CRIM1: variants seen among roughly 807,000 people sequenced by gnomAD.
CRIM1 encodes cysteine-rich motor neuron 1 protein.
In CRIM1, 32 loss-of-function variants were observed where a neutral mutation model predicts 116.4. That is an observed-to-expected ratio of 0.27 (90% CI 0.21 to 0.37). The LOEUF is 0.37. Among genes scored for constraint, CRIM1 ranks in the 10% least tolerant of loss-of-function variants. The pLI, the probability that CRIM1 is intolerant of heterozygous loss-of-function variation, is 1.00. For missense variants in CRIM1, 1,331 were observed against 1,354.8 expected, an observed-to-expected ratio of 0.98 and a Z score of 0.28; for synonymous variants, 590 against 509.2, an observed-to-expected ratio of 1.16 and a Z score of -2.13.
At chr2:36,544,791 C>G (rs569732012) in intron 15 of CRIM1, among the ~76,000 whole-genome samples, 71 of 152,286 alleles carry the variant, frequency 4.7e-4, no homozygotes, top group African/African-American at 1.5e-3. Context: ...AGCCTGGTAT[C>G]TGGAACTTCT....
chr2:36,358,822 C>T (rs1040094141), intron 1 of CRIM1, among the ~76,000 whole-genome samples: 2 of 151,702 alleles, frequency 1.3e-5, no homozygotes, highest in African/African-American at 4.8e-5. Context: ...ATCTGTGAAA[C>T]CAAAGTAAGG....
At chr2:36,488,099 A>G (rs1558360380) in intron 7 of CRIM1, among the ~76,000 whole-genome samples, 1 of 152,196 alleles carries the variant, frequency 6.6e-6, no homozygotes, top group Non-Finnish European at 1.5e-5. Context: ...ATGATTTCAC[A>G]TTGCTTAATA....
At chr2:36,534,737 G>C (rs893923877) in intron 13 of CRIM1, among the ~76,000 whole-genome samples, 14 of 151,538 alleles carry the variant, frequency 9.2e-5, no homozygotes, top group Non-Finnish European at 1.8e-4. Flanking sequence ...AAGATGGAAG[G>C]AAGGAAGGAA....
At chr2:36,511,526 T>A (rs1408541483) in intron 9 of CRIM1, among the ~76,000 whole-genome samples, 1 of 152,184 alleles carries the variant, frequency 6.6e-6, no homozygotes, top group African/African-American at 2.4e-5. Context: ...AGTAGGTAGC[T>A]TCAACCACTT....
intron 11 of CRIM1, among the ~76,000 whole-genome samples, chr2:36,516,650 G>C (rs75701865): frequency 1.8e-3 from 280 of 152,328 alleles, no homozygotes; most frequent in African/African-American, 6.4e-3. Flanking sequence ...TTCTACAGGA[G>C]CATTCCTGCT....
At chr2:36,484,811 T>C (rs1293253130) in intron 7 of CRIM1, among the ~76,000 whole-genome samples, 6 of 152,128 alleles carry the variant, frequency 3.9e-5, no homozygotes, top group African/African-American at 1.4e-4. Flanking sequence ...TAGGTAATAT[T>C]TTAAAAGGTA....
At chr2:36,522,036 G>A in intron 12 of CRIM1, 56 bp from the exon 13 acceptor site, 2 of 1,441,202 alleles carry the variant, frequency 1.4e-6, no homozygotes, top group East Asian at 2.3e-5. Context: ...ACACTATGTT[G>A]CATAGTTGCT....
intron 7 of CRIM1, among the ~76,000 whole-genome samples, chr2:36,498,598 C>A (rs1187458772): frequency 6.6e-6 from 1 of 152,198 alleles, no homozygotes; most frequent in Non-Finnish European, 1.5e-5. Context: ...TGGCTGCTCA[C>A]TCTTTGTCCT....
chr2:36,519,729 T>C (rs1453728951), intron 12 of CRIM1, among the ~76,000 whole-genome samples: 1 of 152,150 alleles, frequency 6.6e-6, no homozygotes, highest in Non-Finnish European at 1.5e-5. Context: ...TTCCCTCTTC[T>C]CTGGCCTGGT....
rs546524821 is a variant in CRIM1, at chr2:36,506,864, A to T, written c.1502-3119A>T. Among the ~76,000 whole-genome samples, 29 of 148,786 alleles carry T rather than the reference A, an allele frequency of 1.9e-4. No homozygotes were observed. In the South Asian group the frequency reaches 2.6e-3, roughly 13 times the overall value. On this transcript the variant is annotated intron_variant, in intron 8 of 16. Transcript: ENST00000280527. ...TCTTTATTTATGTTTTTATTTATTT[A>T]TTTTTTTTTTAGACACAGGTTCTCA...
At chr2:36,532,918 C>T (rs552229331) in intron 13 of CRIM1, among the ~76,000 whole-genome samples, 2 of 152,152 alleles carry the variant, frequency 1.3e-5, no homozygotes, top group Non-Finnish European at 2.9e-5. Context: ...TATTAGGTAT[C>T]AAAGAACAAA....
intron 4 of CRIM1, among the ~76,000 whole-genome samples, chr2:36,447,136 G>T (rs896705825): frequency 1.3e-5 from 2 of 152,118 alleles, no homozygotes; most frequent in African/African-American, 4.8e-5. Context: ...GAATTTATAG[G>T]TATGAGAATG....
intron 5 of CRIM1, among the ~76,000 whole-genome samples, chr2:36,473,214 A>G (rs187006611): frequency 1.3e-5 from 2 of 152,340 alleles, no homozygotes; most frequent in Admixed American, 6.5e-5. Context: ...TATTTTAGAC[A>G]TGCAAGGGGA....
chr2:36,539,699 A>T (rs989066262), intron 14 of CRIM1, among the ~76,000 whole-genome samples: 1 of 152,192 alleles, frequency 6.6e-6, no homozygotes, highest in Non-Finnish European at 1.5e-5. Context: ...TGACTATGCC[A>T]TATGAGTCGC....
In CRIM1 at chr2:36,546,964, T is replaced by A; in HGVS notation, c.2747-20T>A. The A allele has an allele frequency of 6.9e-7, 1 of 1,445,584 alleles. No homozygotes were observed. Among genetic ancestry groups the A allele is most frequent in the South Asian group, 1.2e-5 (1 of 81,750 alleles). 89.5% of individuals were successfully genotyped at this position (1,445,584 alleles called of 1,614,324 possible). A position where few individuals can be genotyped will look rare whatever the true frequency, so the allele number is the denominator to read the frequency against. ...AATTCTGGTTTAGGTAATAAATGCT[T>A]ATAATTTTTTTTCTCCTAGATATGG... On this transcript the variant is annotated intron_variant, in intron 15 of 16. Coordinates refer to ENST00000280527, the MANE Select transcript of CRIM1 (RefSeq NM_016441.3).
At chr2:36,404,966 G>C (rs1672677679) in intron 2 of CRIM1, among the ~76,000 whole-genome samples, 1 of 151,788 alleles carries the variant, frequency 6.6e-6, no homozygotes, top group Non-Finnish European at 1.5e-5. Context: ...CTTTACACAA[G>C]TAAAGCGTAC....
chr2:36,549,484 T>A lies in CRIM1; in HGVS notation c.*783T>A, dbSNP rs1032517380. The A allele has an allele frequency of 6.6e-6, 1 of 152,546 alleles. No homozygotes were observed. The highest frequency in any genetic ancestry group is 1.5e-5 in the Non-Finnish European group (1 of 68,004). The allele number at this position is 152,546 out of a possible 1,614,324, so 9.4% of individuals were successfully genotyped here. On this transcript the variant is annotated 3_prime_UTR_variant, in exon 17 of 17. Coordinates refer to ENST00000280527, the MANE Select transcript of CRIM1 (RefSeq NM_016441.3). The stretch of plus-strand genomic sequence containing the variant: ...TGTGAGCACTGGAGCTTTTTTTTTT[T>A]TACAACGTGACAGGAAGAGGAGGGA...
At chr2:36,360,931 C>A (rs776545502) in intron 1 of CRIM1, among the ~76,000 whole-genome samples, 1 of 151,996 alleles carries the variant, frequency 6.6e-6, no homozygotes, top group Non-Finnish European at 1.5e-5. Flanking sequence ...AGACAGGGAG[C>A]CCTTAGATCC....
intron 1 of CRIM1, among the ~76,000 whole-genome samples, chr2:36,385,925 G>A (rs998869235): frequency 6.6e-6 from 1 of 152,128 alleles, no homozygotes; most frequent in Admixed American, 6.5e-5. Context: ...TTAGTCTCAG[G>A]GGGTGAAATG....
Sources: allele counts gnomAD v4.1 joint callset (sites outside exome capture counted in the v4.1 genomes callset), GRCh38; gene constraint gnomAD v4.1.1; transcripts MANE v1.5; gene names NCBI Gene and HGNC (gene_info 2026-07-23, HGNC 2026-07-21).